Variants in NBEA observed in about 807,000 individuals in gnomAD.
The protein encoded by NBEA is neurobeachin.
Under a neutral mutation model 343.4 loss-of-function variants are expected in NBEA, and 44 were observed. That is an observed-to-expected ratio of 0.13 (90% CI 0.10 to 0.16). The LOEUF (loss-of-function observed/expected upper bound fraction) is 0.16, where lower values mean the gene tolerates loss of function less well. NBEA is among the 10% of genes least tolerant of loss of function. The pLI is 1.00. For missense variants in NBEA, 2,555 were observed against 3,631.3 expected (o/e 0.70, Z 7.62); for synonymous variants, 1,175 against 1,238.7 (o/e 0.95, Z 1.08).
chr13:34,980,020 G>C (rs1299674935), intron 1 of NBEA, among the ~76,000 whole-genome samples: 1 of 152,146 alleles, frequency 6.6e-6, no homozygotes, highest in Non-Finnish European at 1.5e-5. Context: ...TGATGTGTAA[G>C]TATGAGTCTT....
chr13:35,126,919 CAAA>C (rs780669899), intron 17 of NBEA, among the ~76,000 whole-genome samples: 3 of 58,544 alleles, frequency 5.1e-5, no homozygotes, highest in Non-Finnish European at 7.1e-5. Context: ...GACTCCATCT[CAAA>C]AAAAAAAAAA....
chr13:35,412,847 C>T (rs1427883003), intron 38 of NBEA, among the ~76,000 whole-genome samples: 1 of 152,114 alleles, frequency 6.6e-6, no homozygotes, highest in Non-Finnish European at 1.5e-5. Flanking sequence ...ACACATTCTG[C>T]CACCAGCTAG....
At chr13:35,112,183 C>G (rs1362050371) in intron 13 of NBEA, among the ~76,000 whole-genome samples, 1 of 151,880 alleles carries the variant, frequency 6.6e-6, no homozygotes, top group African/African-American at 2.4e-5. Context: ...TCCCATTTTA[C>G]TATTCTAATA....
At chr13:35,446,329 C>T (rs1473044762) in intron 39 of NBEA, among the ~76,000 whole-genome samples, 1 of 152,086 alleles carries the variant, frequency 6.6e-6, no homozygotes, top group Non-Finnish European at 1.5e-5. Flanking sequence ...TGGGTATATA[C>T]CCAGTAATGG....
intron 24 of NBEA, among the ~76,000 whole-genome samples, chr13:35,166,153 T>C (rs1190837629): frequency 1.3e-5 from 2 of 152,214 alleles, no homozygotes; most frequent in Admixed American, 1.3e-4. Flanking sequence ...TTGAATGTTT[T>C]TAAATTTTGC....
intron 1 of NBEA, among the ~76,000 whole-genome samples, chr13:34,957,485 C>G (rs1403556067): frequency 6.6e-6 from 1 of 152,178 alleles, no homozygotes; most frequent in African/African-American, 2.4e-5. Context: ...CACTTCCTTA[C>G]TGAATATTCA....
chr13:35,515,916 T>C (rs571236779), intron 41 of NBEA, among the ~76,000 whole-genome samples: 1 of 152,302 alleles, frequency 6.6e-6, no homozygotes, highest in East Asian at 1.9e-4. Context: ...TCACACACAA[T>C]AAGATGCAAT....
At chr13:34,943,190 C>T (rs1295065942) in intron 1 of NBEA, 76 bp downstream of exon 1, 3 of 1,561,068 alleles carry the variant, frequency 1.9e-6, no homozygotes, top group East Asian at 4.6e-5. Flanking sequence ...CCCTCCCACC[C>T]TTCACCCCCA....
chr13:35,170,623 C>A (rs1327186426), intron 25 of NBEA, among the ~76,000 whole-genome samples: 1 of 151,584 alleles, frequency 6.6e-6, no homozygotes, highest in East Asian at 1.9e-4. Context: ...TGCTATGATT[C>A]TTTTTATTAC....
At chr13:34,967,135 G>T (rs1218673103) in intron 1 of NBEA, among the ~76,000 whole-genome samples, 1 of 151,602 alleles carries the variant, frequency 6.6e-6, no homozygotes, top group Non-Finnish European at 1.5e-5. Context: ...CATTTTTGGT[G>T]TTAGAAAGGT....
intron 34 of NBEA, among the ~76,000 whole-genome samples, chr13:35,283,288 A>G (rs1455357372): frequency 2.0e-5 from 3 of 152,152 alleles, no homozygotes; most frequent in Non-Finnish European, 4.4e-5. Flanking sequence ...TAGAAAGTTT[A>G]TTTCAATAAA....
intron 32 of NBEA, 131 bp from the exon 33 acceptor site, chr13:35,210,922 A>C: frequency 1.1e-6 from 1 of 894,892 alleles, no homozygotes; most frequent in Non-Finnish European, 1.7e-6. Flanking sequence ...CTAATGGCCA[A>C]ATGATTAATT....
chr13:35,116,224 C>A (rs2066484970), intron 13 of NBEA, among the ~76,000 whole-genome samples: 1 of 152,100 alleles, frequency 6.6e-6, no homozygotes, highest in Non-Finnish European at 1.5e-5. Flanking sequence ...AAATCAGGAC[C>A]TCATCCCTCC....
At chr13:35,360,199 A>G (rs2040732531) in intron 38 of NBEA, among the ~76,000 whole-genome samples, 1 of 152,060 alleles carries the variant, frequency 6.6e-6, no homozygotes, top group South Asian at 2.1e-4. Flanking sequence ...ACTAGCCATT[A>G]GAATAATGAA....
intron 10 of NBEA, among the ~76,000 whole-genome samples, chr13:35,075,381 A>C (rs2064067939): frequency 6.6e-6 from 1 of 152,068 alleles, no homozygotes; most frequent in South Asian, 2.1e-4. Flanking sequence ...AATTATTAAA[A>C]CTTAGTTTTA....
chr13:35,333,483 T>G (rs1400244147), intron 36 of NBEA, among the ~76,000 whole-genome samples: 1 of 152,100 alleles, frequency 6.6e-6, no homozygotes, highest in Non-Finnish European at 1.5e-5. Flanking sequence ...TGCATAATAA[T>G]CACATCATGG....
chr13:35,210,715 C>T (rs1407057633), intron 32 of NBEA, among the ~76,000 whole-genome samples: 4 of 152,080 alleles, frequency 2.6e-5, no homozygotes, highest in Admixed American at 1.3e-4. Context: ...TACAATGTAG[C>T]TATAAAAAGA....
chr13:34,961,776 G>GT (rs2152491764), intron 1 of NBEA, among the ~76,000 whole-genome samples: 1 of 152,020 alleles, frequency 6.6e-6, no homozygotes, highest in South Asian at 2.1e-4. Flanking sequence ...GTAAGTCAAG[G>GT]TAAGTCTTTA....
chr13:35,668,614 C>T, intron 58 of NBEA, 95 bp downstream of exon 58: 1 of 1,224,710 alleles, frequency 8.2e-7, no homozygotes, highest in Non-Finnish European at 1.1e-6. Flanking sequence ...AGTGCAATTC[C>T]AGCATCCAAA....
Sources: gnomAD v4.1 joint callset for allele counts (sites outside exome capture counted in the v4.1 genomes callset) on GRCh38, gnomAD v4.1.1 for gene constraint, MANE v1.5 for transcripts, NCBI Gene and HGNC (gene_info 2026-07-23, HGNC 2026-07-21) for gene names.